GRXCR1: variants seen among roughly 807,000 people sequenced by gnomAD.
GRXCR1 encodes the protein glutaredoxin and cysteine rich domain containing 1, also known as glutaredoxin domain-containing cysteine-rich protein 1.
GRXCR1 carries 27 observed loss-of-function variants against 27.3 expected under a neutral mutation model. The observed-to-expected ratio is 0.99, with a 90% CI of 0.73 to 1.37. GRXCR1 has a LOEUF of 1.37. Ranked by LOEUF, GRXCR1 falls within the 40% of genes most tolerant of loss-of-function variation. The probability of loss-of-function intolerance (pLI) is 0.00; values close to 1 mark genes in which losing one functional copy is unlikely to be tolerated. For missense variants in GRXCR1, 379 were observed against 354.4 expected, an observed-to-expected ratio of 1.07 and a Z score of -0.56; for synonymous variants, 122 against 131.1, an observed-to-expected ratio of 0.93 and a Z score of 0.47.
chr4:42,951,044 C>G (rs1354904271), intron 1 of GRXCR1, among the ~76,000 whole-genome samples: 1 of 152,050 alleles, frequency 6.6e-6, no homozygotes, highest in Non-Finnish European at 1.5e-5. Context: ...GCTCAAGATT[C>G]AGGAAATCCA....
intron 2 of GRXCR1, among the ~76,000 whole-genome samples, chr4:42,981,265 T>A (rs1180741627): frequency 6.6e-6 from 1 of 152,080 alleles, no homozygotes; most frequent in East Asian, 1.9e-4. Context: ...CATCTTATTT[T>A]TATAACAAGT....
At chr4:42,903,587 ATATTCT>A (rs1746518120) in intron 1 of GRXCR1, among the ~76,000 whole-genome samples, 1 of 147,564 alleles carries the variant, frequency 6.8e-6, no homozygotes, top group African/African-American at 2.5e-5. Flanking sequence ...GCTGGGATAG[ATATTCT>A]TAATCACAGC....
At chr4:43,016,444 CG>C (rs1712933449) in intron 2 of GRXCR1, among the ~76,000 whole-genome samples, 1 of 152,086 alleles carries the variant, frequency 6.6e-6, no homozygotes, top group Non-Finnish European at 1.5e-5. Context: ...TCTCCTTTAA[CG>C]AAAAATTTTT....
At chr4:42,901,336 G>A (rs1394135053) in intron 1 of GRXCR1, among the ~76,000 whole-genome samples, 1 of 152,134 alleles carries the variant, frequency 6.6e-6, no homozygotes, top group Non-Finnish European at 1.5e-5. Context: ...TGAAATGATT[G>A]TAATGGGACC....
intron 1 of GRXCR1, among the ~76,000 whole-genome samples, chr4:42,927,467 A>G (rs777508724): frequency 2.6e-5 from 4 of 152,022 alleles, no homozygotes; most frequent in Non-Finnish European, 5.9e-5. Flanking sequence ...TAAATTTGCT[A>G]TAAATTTACA....
chr4:42,982,205 CT>C (rs1553943481), intron 2 of GRXCR1, among the ~76,000 whole-genome samples: 1 of 148,104 alleles, frequency 6.8e-6, no homozygotes, highest in Non-Finnish European at 1.5e-5. Context: ...TCCCTCCCCC[CT>C]CCCCCTACCC....
chr4:42,928,713 G>A (rs1344544706), intron 1 of GRXCR1, among the ~76,000 whole-genome samples: 7 of 151,976 alleles, frequency 4.6e-5, no homozygotes, highest in Non-Finnish European at 8.8e-5. Context: ...GCCTTTACTG[G>A]TGTTTCCATG....
In GRXCR1 at chr4:43,008,959, C is replaced by T. The variant is rs547811823; in HGVS notation, c.628-11395C>T. On this transcript the variant is annotated intron_variant, in intron 2 of 3. Transcript: ENST00000399770. Reference sequence around the variant, plus strand: ...TTTAGAGTCTGTTACTTTGTCATTGCGCAACCTTCCTTCTCCTGCACCTCT... The same window carrying T: ...TTTAGAGTCTGTTACTTTGTCATTGTGCAACCTTCCTTCTCCTGCACCTCT... 3.0e-4 allele frequency among the ~76,000 whole-genome samples: 46 copies of T among 152,318 alleles called. 3 individuals carry two copies. Among genetic ancestry groups the T allele is most frequent in the South Asian group, 1.9e-3 (9 of 4,826 alleles).
At chr4:42,937,793 T>G (rs898974087) in intron 1 of GRXCR1, among the ~76,000 whole-genome samples, 1 of 152,030 alleles carries the variant, frequency 6.6e-6, no homozygotes, top group Non-Finnish European at 1.5e-5. Flanking sequence ...TTATTTTTTA[T>G]GGATACATAG....
rs142287494 is a variant in GRXCR1 at position 42,969,974 on chromosome 4, G to A, written c.627+6840G>A. ...TCTAAGATACAGGGATCAGATAAAGGCTCCCATTCAAAAAGGGAAAATTGG... is the reference window on the plus strand; with the variant it reads ...TCTAAGATACAGGGATCAGATAAAGACTCCCATTCAAAAAGGGAAAATTGG... On this transcript the variant is annotated intron_variant, in intron 2 of 3. Coordinates refer to ENST00000399770, the MANE Select transcript of GRXCR1 (RefSeq NM_001080476.3). Among the ~76,000 whole-genome samples, 444 of 152,098 alleles carry A rather than the reference G, an allele frequency of 2.9e-3. 7 individuals are homozygous for A. Among genetic ancestry groups the A allele is most frequent in the African/African-American group, 0.01 (418 of 41,506 alleles).
chr4:42,962,788 T>C (rs1456335768), intron 1 of GRXCR1, 104 bp from the exon 2 acceptor site: 3 of 1,284,126 alleles, frequency 2.3e-6, no homozygotes, highest in East Asian at 2.3e-5. Context: ...ATGTGTTCAT[T>C]CAATTTTATT....
At chr4:42,909,962 A>G (rs1265334812) in intron 1 of GRXCR1, among the ~76,000 whole-genome samples, 1 of 152,154 alleles carries the variant, frequency 6.6e-6, no homozygotes, top group Admixed American at 6.5e-5. Flanking sequence ...CCACACTGCT[A>G]TAAAGATACT....
intron 1 of GRXCR1, among the ~76,000 whole-genome samples, chr4:42,931,059 C>CT (rs149294479): frequency 0.075 from 11,067 of 148,494 alleles, 416 homozygotes; most frequent in Middle Eastern, 0.093. Flanking sequence ...CAAAATAAAG[C>CT]TTTTTTTTTT....
At chr4:43,025,227 A>G (rs1713216741) in intron 3 of GRXCR1, among the ~76,000 whole-genome samples, 1 of 152,190 alleles carries the variant, frequency 6.6e-6, no homozygotes. Context: ...TAGAGACACA[A>G]TACATTTCGT....
rs534229795 is a variant in GRXCR1, at chr4:42,995,687, G to T, written c.628-24667G>T. On this transcript the variant is annotated intron_variant, in intron 2 of 3. Transcript: ENST00000399770. ...TAGAAAGAAAAAGAAGTATATGTACGCCACTCTTTCGGTCAATAAAATAAA... is the reference window on the plus strand; with the variant it reads ...TAGAAAGAAAAAGAAGTATATGTACTCCACTCTTTCGGTCAATAAAATAAA... Among the ~76,000 whole-genome samples the T allele has an allele frequency of 3.3e-4, 50 of 152,192 alleles. 1 individual carries two copies. Among genetic ancestry groups the T allele is most frequent in the African/African-American group, 1.0e-3 (42 of 41,524 alleles).
chr4:42,956,128 AT>A (rs1747998215), intron 1 of GRXCR1, among the ~76,000 whole-genome samples: 1 of 152,064 alleles, frequency 6.6e-6, no homozygotes, highest in Non-Finnish European at 1.5e-5. Flanking sequence ...AGTAATTTCC[AT>A]CCCTTTCCAA....
chr4:42,932,318 C>A (rs540479662), intron 1 of GRXCR1, among the ~76,000 whole-genome samples: 3 of 151,702 alleles, frequency 2.0e-5, no homozygotes, highest in African/African-American at 4.8e-5. Flanking sequence ...TCTGTTCAGT[C>A]CCTGGAATAT....
chr4:42,917,537 C>T (rs73240019), intron 1 of GRXCR1, among the ~76,000 whole-genome samples: 2 of 152,246 alleles, frequency 1.3e-5, no homozygotes, highest in African/African-American at 2.4e-5. Context: ...TGATCTCTCT[C>T]CCTTACATAG....
intron 2 of GRXCR1, among the ~76,000 whole-genome samples, chr4:43,011,205 C>T (rs748882740): frequency 5.3e-5 from 8 of 152,306 alleles, no homozygotes; most frequent in Admixed American, 3.3e-4. Context: ...TATTGTCGAT[C>T]GTGCTGGTTA....
Sources: allele counts gnomAD v4.1 joint callset (sites outside exome capture counted in the v4.1 genomes callset), GRCh38; gene constraint gnomAD v4.1.1; transcripts MANE v1.5; gene names NCBI Gene and HGNC (gene_info 2026-07-23, HGNC 2026-07-21).